TRAF3: variants seen among roughly 807,000 people sequenced by gnomAD.
TRAF3 encodes the protein TNF receptor associated factor 3, also known as TNF receptor-associated factor 3.
TRAF3 carries 13 observed loss-of-function variants against 62.3 expected under a neutral mutation model. The observed-to-expected ratio is 0.21, with a 90% CI of 0.14 to 0.33. The LOEUF (loss-of-function observed/expected upper bound fraction) is 0.33, where lower values mean the gene tolerates loss of function less well. TRAF3 is among the 10% of genes least tolerant of loss of function. The pLI is 1.00. For missense variants in TRAF3, 440 were observed against 741.8 expected, an observed-to-expected ratio of 0.59 and a Z score of 4.73; for synonymous variants, 269 against 283.4, an observed-to-expected ratio of 0.95 and a Z score of 0.51.
At chr14:102,799,275 A>G (rs188397363) in intron 1 of TRAF3, among the ~76,000 whole-genome samples, 1 of 152,292 alleles carries the variant, frequency 6.6e-6, no homozygotes, top group African/African-American at 2.4e-5. Flanking sequence ...GAGTTGACAC[A>G]GCGGGAGGAA....
chr14:102,780,674 G>A (rs1227517022), intron 1 of TRAF3, among the ~76,000 whole-genome samples: 3 of 152,070 alleles, frequency 2.0e-5, no homozygotes, highest in African/African-American at 4.8e-5. Context: ...TGTATTCCTC[G>A]AGATAAGTGG....
chr14:102,851,502 T>C (rs1310881857), intron 2 of TRAF3, among the ~76,000 whole-genome samples: 1 of 152,172 alleles, frequency 6.6e-6, no homozygotes, highest in Non-Finnish European at 1.5e-5. Flanking sequence ...CCCAGCACTT[T>C]GGGAGGCCGA....
At chr14:102,845,327 C>T (rs1226166639) in intron 2 of TRAF3, among the ~76,000 whole-genome samples, 5 of 151,620 alleles carry the variant, frequency 3.3e-5, no homozygotes, top group African/African-American at 9.7e-5. Context: ...CTCAGCCTCC[C>T]GGTTAGTTGG....
chr14:102,886,005 G>T lies in TRAF3; in HGVS notation c.571-184G>T, dbSNP rs189895881. ...TCTGACCAGATCTTTGGAGATACCTGTGGCATCCTGAGACACTCACACTCC... is the reference window on the plus strand; with the variant it reads ...TCTGACCAGATCTTTGGAGATACCTTTGGCATCCTGAGACACTCACACTCC... On this transcript the variant is annotated intron_variant, in intron 6 of 11. Transcript: ENST00000392745. Among the ~76,000 whole-genome samples the T allele has an allele frequency of 2.0e-4, 31 of 152,288 alleles. No homozygotes were observed. The East Asian group carries it at 4.8e-3, about 24-fold the overall frequency.
chr14:102,839,046 A>G (rs1886201930), intron 2 of TRAF3, among the ~76,000 whole-genome samples: 1 of 152,034 alleles, frequency 6.6e-6, no homozygotes, highest in Admixed American at 6.6e-5. Flanking sequence ...CTCATGGTAG[A>G]AGCTTTCCCT....
At chr14:102,835,091 A>G (rs1885916375) in intron 2 of TRAF3, among the ~76,000 whole-genome samples, 1 of 152,232 alleles carries the variant, frequency 6.6e-6, no homozygotes. Flanking sequence ...AAGTGGGCAA[A>G]GGGCATGCAC....
intron 2 of TRAF3, among the ~76,000 whole-genome samples, chr14:102,869,459 C>T (rs978400819): frequency 2.6e-5 from 4 of 152,166 alleles, no homozygotes; most frequent in South Asian, 2.1e-4. Context: ...AGTTACAACA[C>T]AGCAAAATAG....
chr14:102,811,351 G>T (rs147411350), intron 1 of TRAF3, among the ~76,000 whole-genome samples: 56 of 150,930 alleles, frequency 3.7e-4, no homozygotes, highest in African/African-American at 1.2e-3. Flanking sequence ...TCAGGCGGGA[G>T]TGCAGTGGCT....
intron 1 of TRAF3, among the ~76,000 whole-genome samples, chr14:102,789,861 C>T (rs550434445): frequency 9.2e-5 from 14 of 151,690 alleles, no homozygotes; most frequent in Non-Finnish European, 1.3e-4. Context: ...CTTCTGTTGC[C>T]CAGGCTGGAG....
rs138928755 is a variant in TRAF3, at chr14:102,831,730, C to T, written c.-18+1258C>T. On this transcript the variant is annotated intron_variant, in intron 2 of 11. Coordinates refer to ENST00000392745, the MANE Select transcript of TRAF3 (RefSeq NM_145725.3). Reference sequence around the variant, plus strand: ...GAACTTTAATTCAAAACCCTCAGTTCTTAGAGGGTTTGTTTTCCCTTTTTT... The same window carrying T: ...GAACTTTAATTCAAAACCCTCAGTTTTTAGAGGGTTTGTTTTCCCTTTTTT... Among the ~76,000 whole-genome samples the T allele has an allele frequency of 1.7e-3, 264 of 152,238 alleles. 1 individual carries two copies. Among genetic ancestry groups the T allele is most frequent in the African/African-American group, 6.2e-3 (259 of 41,542 alleles).
At position 102,876,492 on chromosome 14, in the gene TRAF3, C is replaced by T; in HGVS notation, c.537C>T (p.His179=). 3.1e-6 allele frequency: 5 copies of T among 1,614,170 alleles called. No individual in the cohort carries two copies. Among genetic ancestry groups the T allele is most frequent in the Non-Finnish European group, 4.2e-6 (5 of 1,180,008 alleles). The change falls in exon 6 of 12, where the codon CAC becomes CAT. Residue 179 remains histidine (H), a synonymous_variant. Transcript: ENST00000392745. ...AATACCGGGAAGCCACATGCAGCCA[C>T]TGCAAGAGTCAGGTTCCGATGATCG... ...ACKYREATCS[H]CKSQVPMIAL...
Position 102,777,481 on chromosome 14 carries a change from G to GAGCGC in TRAF3, c.-350_-346dup, listed in dbSNP as rs1195976991. On this transcript the variant is annotated 5_prime_UTR_variant, in exon 1 of 12. Coordinates refer to ENST00000392745, the MANE Select transcript of TRAF3 (RefSeq NM_145725.3). ...TGCGTGAGGGAGCGAGGGAGCGAGGGAGCGCGGCGCGGCCGCCGCGTGCGC... is the reference window on the plus strand; with the variant it reads ...TGCGTGAGGGAGCGAGGGAGCGAGGGAGCGCAGCGCGGCGCGGCCGCCGCGTGCGC... 12 of 144,608 alleles carry GAGCGC rather than the reference G, an allele frequency of 8.3e-5. No individual in the cohort carries two copies. Among genetic ancestry groups the GAGCGC allele is most frequent in the African/African-American group, 2.7e-4 (11 of 40,392 alleles). 9.0% of individuals were successfully genotyped at this position (144,608 alleles called of 1,614,324 possible).
chr14:102,884,773 C>T (rs1018756906), intron 6 of TRAF3, among the ~76,000 whole-genome samples: 2 of 151,482 alleles, frequency 1.3e-5, no homozygotes, highest in Admixed American at 1.3e-4. Context: ...GATTGCACCA[C>T]TGCACTTCAA....
chr14:102,870,921 C>T (rs144038055), intron 3 of TRAF3, among the ~76,000 whole-genome samples: 2,855 of 152,314 alleles, frequency 0.019, 34 homozygotes, highest in African/African-American at 0.022. Flanking sequence ...GAACATGCAC[C>T]GAGCCCATGG....
intron 2 of TRAF3, among the ~76,000 whole-genome samples, chr14:102,856,929 G>T (rs555565270): frequency 6.6e-6 from 1 of 152,192 alleles, no homozygotes; most frequent in African/African-American, 2.4e-5. Context: ...ACAAAAGGTG[G>T]TATCTGGAAG....
chr14:102,900,103 C>T (rs367915142), intron 10 of TRAF3, among the ~76,000 whole-genome samples: 6 of 141,444 alleles, frequency 4.2e-5, no homozygotes, highest in African/African-American at 8.2e-5. Context: ...GGTGTGAACC[C>T]GGGAGGCGGA....
intron 2 of TRAF3, among the ~76,000 whole-genome samples, chr14:102,863,387 C>T (rs957367648): frequency 1.3e-5 from 2 of 152,160 alleles, no homozygotes; most frequent in Non-Finnish European, 2.9e-5. Context: ...TAGTGGTCAG[C>T]TTGTGATTAG....
At chr14:102,899,727 G>A (rs935911328) in intron 10 of TRAF3, among the ~76,000 whole-genome samples, 1 of 152,174 alleles carries the variant, frequency 6.6e-6, no homozygotes, top group Admixed American at 6.5e-5. Flanking sequence ...GTGATGGCGG[G>A]AGTCGAAGCA....
chr14:102,897,534 C>A, intron 10 of TRAF3, 133 bp downstream of exon 10: 1 of 1,237,156 alleles, frequency 8.1e-7, no homozygotes, highest in Non-Finnish European at 1.1e-6. Context: ...ATTTCTCTGG[C>A]CTAAGTGAAG....
Sources: gnomAD v4.1 joint callset for allele counts (sites outside exome capture counted in the v4.1 genomes callset) on GRCh38, gnomAD v4.1.1 for gene constraint, MANE v1.5 for transcripts, NCBI Gene and HGNC (gene_info 2026-07-23, HGNC 2026-07-21) for gene names.